The following MTA1 variants were observed in gnomAD, a reference collection of about 807,000 sequenced individuals.
MTA1 encodes metastasis associated 1.
In MTA1, 15 loss-of-function variants were observed where a neutral mutation model predicts 97.0. That is an observed-to-expected ratio of 0.15 (90% CI 0.10 to 0.24). The LOEUF (loss-of-function observed/expected upper bound fraction) is 0.24, where lower values mean the gene tolerates loss of function less well. Ranked by LOEUF, MTA1 falls within the 10% of genes least tolerant of loss-of-function variation. The pLI is 1.00. For missense variants in MTA1, 709 were observed against 1,015.1 expected (o/e 0.70, Z 4.10); for synonymous variants, 435 against 417.5 (o/e 1.04, Z -0.51).
chr14:105,430,246 A>G (rs1291131503), intron 1 of MTA1, among the ~76,000 whole-genome samples: 3 of 152,098 alleles, frequency 2.0e-5, no homozygotes, highest in African/African-American at 7.2e-5. Flanking sequence ...CCTTCACTGG[A>G]CTACTTAGAG....
rs587648261 is a variant in MTA1 at position 105,463,847 on chromosome 14, C to A, written c.1077-185C>A. ...AGGGGGAGCACGGGGGCCTGGAGAA[C>A]GGCTCAGACCTCAGCAGTGGCTCCC... On this transcript the variant is annotated intron_variant, in intron 12 of 20. Coordinates refer to ENST00000331320, the MANE Select transcript of MTA1 (RefSeq NM_004689.4). The surrounding 1 kb of genome is among the most constrained non-coding windows in gnomAD (Gnocchi z 5.9). The A allele has an allele frequency of 4.5e-6, 3 of 669,476 alleles. No individual in the cohort carries two copies. The highest frequency in any genetic ancestry group is 7.9e-6 in the Non-Finnish European group (3 of 378,646). 41.5% of individuals were successfully genotyped at this position (669,476 alleles called of 1,614,324 possible). A position where few individuals can be genotyped will look rare whatever the true frequency, so the allele number is the denominator to read the frequency against.
chr14:105,465,259 C>T (rs1242648625), intron 16 of MTA1, 76 bp downstream of exon 16: 22 of 1,281,504 alleles, frequency 1.7e-5, no homozygotes, highest in Non-Finnish European at 2.3e-5. Context: ...TGCACTGGTG[C>T]TCCCAGCCTT....
chr14:105,431,915 T>C lies in MTA1; in HGVS notation c.29-6757T>C, dbSNP rs587690817. ...TGCTGGGATTACAGGCGTGAGGCAC[T>C]ACACCCGGCCTGTGGAAAGTATTTG... On this transcript the variant is annotated intron_variant, in intron 1 of 20. Transcript: ENST00000331320. Among the ~76,000 whole-genome samples the C allele has an allele frequency of 2.0e-3, 297 of 152,216 alleles. 2 individuals carry two copies. The highest frequency in any genetic ancestry group is 6.8e-3 in the African/African-American group (284 of 41,550).
chr14:105,455,858 C>T (rs1367298388), intron 7 of MTA1, among the ~76,000 whole-genome samples: 1 of 152,174 alleles, frequency 6.6e-6, no homozygotes, highest in Non-Finnish European at 1.5e-5. Flanking sequence ...GAGGGCTGGG[C>T]CTGGGGAGGA....
chr14:105,465,577 C>T (rs587684932), intron 16 of MTA1: 44 of 159,428 alleles, frequency 2.8e-4, no homozygotes, highest in Non-Finnish European at 3.7e-4. Context: ...AAGGCAGCGT[C>T]GTACCTGCTG....
At chr14:105,449,726 C>G (rs2082849772) in intron 4 of MTA1, among the ~76,000 whole-genome samples, 1 of 152,184 alleles carries the variant, frequency 6.6e-6, no homozygotes, top group African/African-American at 2.4e-5. Flanking sequence ...CCGCCGACTC[C>G]CCCGCTCCTC....
At chr14:105,467,222 C>T in intron 18 of MTA1, 1 of 359,362 alleles carries the variant, frequency 2.8e-6, no homozygotes, top group Non-Finnish European at 5.5e-6. Context: ...GTGCCGGTTG[C>T]TTGGAGCAGG....
intron 1 of MTA1, among the ~76,000 whole-genome samples, chr14:105,430,451 G>A (rs138099903): frequency 1.3e-5 from 2 of 152,264 alleles, no homozygotes; most frequent in African/African-American, 4.8e-5. Flanking sequence ...GCATCGAGGA[G>A]CAATGACCAC....
intron 3 of MTA1, chr14:105,445,721 G>A (rs587688779): frequency 1.0e-5 from 7 of 684,356 alleles, no homozygotes; most frequent in African/African-American, 3.5e-5. Context: ...TGAAGTCCTC[G>A]CACGCCCCCC....
At chr14:105,468,362 T>C (rs2083685069) in intron 18 of MTA1, 9 of 1,304,030 alleles carry the variant, frequency 6.9e-6, no homozygotes, top group Non-Finnish European at 8.1e-6. Flanking sequence ...AAGTAGTTTT[T>C]GTGCTACTGG....
intron 1 of MTA1, among the ~76,000 whole-genome samples, chr14:105,421,560 C>T (rs1555420904): frequency 1.3e-5 from 2 of 152,204 alleles, no homozygotes; most frequent in African/African-American, 2.4e-5. Context: ...GGGGACACCC[C>T]GACCCCAACT....
At chr14:105,466,804 T>C in intron 18 of MTA1, 62 bp downstream of exon 18, 1 of 1,516,362 alleles carries the variant, frequency 6.6e-7, no homozygotes, top group Non-Finnish European at 8.9e-7. Context: ...TGTGCTGTGC[T>C]GCTCTGTGTC....
chr14:105,440,258 C>T (rs1453929673), intron 2 of MTA1, among the ~76,000 whole-genome samples: 1 of 152,250 alleles, frequency 6.6e-6, no homozygotes, highest in African/African-American at 2.4e-5. Flanking sequence ...CAGCACTTTA[C>T]GCATCCCAGC....
chr14:105,453,435 A>C (rs1345973552), intron 6 of MTA1, among the ~76,000 whole-genome samples: 5 of 152,226 alleles, frequency 3.3e-5, no homozygotes, highest in Non-Finnish European at 4.4e-5. Flanking sequence ...ACTTGAACCC[A>C]GGAGGCGGAG....
intron 1 of MTA1, among the ~76,000 whole-genome samples, chr14:105,426,632 A>G (rs1470617779): frequency 6.6e-6 from 1 of 152,056 alleles, no homozygotes; most frequent in African/African-American, 2.4e-5. Flanking sequence ...TGCATGAGGG[A>G]ACGTCTGTCT....
chr14:105,457,648 G>T (rs1202113968), intron 7 of MTA1, among the ~76,000 whole-genome samples: 1 of 152,246 alleles, frequency 6.6e-6, no homozygotes, highest in Non-Finnish European at 1.5e-5. Context: ...AGCTTGGGCC[G>T]GGCACGGTGG....
intron 7 of MTA1, 92 bp downstream of exon 7, chr14:105,454,402 G>A (rs2083063470): frequency 2.2e-6 from 2 of 907,544 alleles, no homozygotes; most frequent in Non-Finnish European, 3.6e-6. Flanking sequence ...ACATGGCCGT[G>A]TCAGTGATTC....
At chr14:105,457,231 C>T (rs2083185843) in intron 7 of MTA1, among the ~76,000 whole-genome samples, 1 of 152,206 alleles carries the variant, frequency 6.6e-6, no homozygotes, top group African/African-American at 2.4e-5. Context: ...TCCAAGTCCT[C>T]CCCCAGGAGT....
rs1157375696 is a variant in MTA1, at chr14:105,454,164, G to A, written c.433-29G>A. ...CTCCCAGCAGCCTGACTGTGCTGAC[G>A]CCTCTCTGTCTCCTGTGGTGTTTTC... On this transcript the variant is annotated intron_variant, in intron 6 of 20. Transcript: ENST00000331320. The A allele has an allele frequency of 8.4e-6, 13 of 1,555,834 alleles. No individual in the cohort carries two copies. The Admixed American group carries it at 8.4e-5, about 10-fold the overall frequency.
Sources: gnomAD v4.1 joint callset for allele counts (sites outside exome capture counted in the v4.1 genomes callset) on GRCh38, gnomAD v4.1.1 for gene constraint, Gnocchi (gnomAD v3.1) non-coding constraint, MANE v1.5 for transcripts, NCBI Gene and HGNC (gene_info 2026-07-23, HGNC 2026-07-21) for gene names.